The following TOMM40 variants were observed in gnomAD, a reference collection of about 807,000 sequenced individuals.
TOMM40 encodes the protein mitochondrial import receptor subunit TOM40 homolog.
A neutral mutation model predicts 38.4 loss-of-function variants in TOMM40; 9 were observed. The ratio of observed to expected loss-of-function variants is 0.23; its 90% CI spans 0.14 to 0.41. The LOEUF is 0.41. TOMM40 is among the 10% of genes least tolerant of loss of function. The probability of loss-of-function intolerance (pLI) is 1.00; values close to 1 mark genes in which losing one functional copy is unlikely to be tolerated. For missense variants in TOMM40, 299 were observed against 486.5 expected, an observed-to-expected ratio of 0.61 and a Z score of 3.63; for synonymous variants, 184 against 210.0, an observed-to-expected ratio of 0.88 and a Z score of 1.07.
chr19:44,894,129 C>A, intron 5 of TOMM40, 63 bp downstream of exon 5: 2 of 1,304,368 alleles, frequency 1.5e-6, no homozygotes, highest in South Asian at 1.5e-5. Flanking sequence ...CCAGCAAATC[C>A]ACCCCATTTG....
In TOMM40 at chr19:44,901,192, G is replaced by A. The variant is rs191141340; in HGVS notation, c.844-16G>A. On this transcript the variant is annotated splice_polypyrimidine_tract_variant and intron_variant, in intron 7 of 8. Transcript: ENST00000426677. ...GGCCACTTGCTAATTCTCATGTGTT[G>A]CTCCGGCCCCTCCAGCTGCAGGTGG... The A allele has an allele frequency of 1.2e-6, 2 of 1,614,036 alleles. No individual in the cohort carries two copies. Among genetic ancestry groups the A allele is most frequent in the African/African-American group, 1.3e-5 (1 of 75,074 alleles).
chr19:44,896,829 C>T (rs185352365), intron 5 of TOMM40, among the ~76,000 whole-genome samples: 50 of 152,144 alleles, frequency 3.3e-4, no homozygotes, highest in African/African-American at 1.2e-3. Context: ...CTGAGGTGGG[C>T]GGATCGCTTG....
At chr19:44,899,997 C>T (rs1225209898) in intron 5 of TOMM40, among the ~76,000 whole-genome samples, 1 of 151,980 alleles carries the variant, frequency 6.6e-6, no homozygotes, top group African/African-American at 2.4e-5. Context: ...CTCCCCAATT[C>T]TTCTGGCCCT....
rs1568612334 is a variant in TOMM40, at chr19:44,903,219, C to T, written c.*50C>T. ...GCCCTTCCGATTCCACCTCCACCTC[C>T]ACCTCCCCCTGCCACAGAGGGGAGA... On this transcript the variant is annotated 3_prime_UTR_variant, in exon 9 of 9. Transcript: ENST00000426677. 1 of 1,559,314 alleles carries T rather than the reference C, an allele frequency of 6.4e-7. No individual in the cohort carries two copies. Among genetic ancestry groups the T allele is most frequent in the Non-Finnish European group, 8.7e-7 (1 of 1,152,026 alleles).
chr19:44,903,042 G>A lies in TOMM40; in HGVS notation c.959G>A (p.Ser320Asn), dbSNP rs777104426. Residue 320 changes from serine (S) to asparagine (N), a missense_variant, in exon 9 of 9, where the codon AGC becomes AAC. By Grantham distance (46) the Ser-to-Asn change is conservative. Coordinates refer to ENST00000426677, the MANE Select transcript of TOMM40 (RefSeq NM_001128917.2). ...CTCTTCCCTGCAGGCTCTGTGGATA[G>A]CAACTGGATCGTGGGTGCCACGCTG... Reference protein sequence around the residue: ...ANLLFKGSVDSNWIVGATLEK... With the variant: ...ANLLFKGSVDNNWIVGATLEK... 1.7e-5 allele frequency: 27 copies of A among 1,613,022 alleles called. No individual in the cohort carries two copies. The highest frequency in any genetic ancestry group is 2.7e-5 in the African/African-American group (2 of 74,898).
chr19:44,899,617 GAT>G (rs1491229913), intron 5 of TOMM40, among the ~76,000 whole-genome samples: 62 of 98,404 alleles, frequency 6.3e-4, no homozygotes, highest in African/African-American at 3.5e-3. Flanking sequence ...GCCTGGCCTT[GAT>G]TTTTTTTTTT....
At chr19:44,896,193 C>T (rs971772342) in intron 5 of TOMM40, among the ~76,000 whole-genome samples, 1 of 152,050 alleles carries the variant, frequency 6.6e-6, no homozygotes, top group Non-Finnish European at 1.5e-5. Context: ...GGTCTCTAGT[C>T]CTTTCCAGTG....
At chr19:44,902,213 T>C (rs1969696892) in intron 8 of TOMM40, 1 of 152,230 alleles carries the variant, frequency 6.6e-6, no homozygotes, top group African/African-American at 2.4e-5. Context: ...TTGACTCTCT[T>C]ATTTTTCTGA....
intron 5 of TOMM40, among the ~76,000 whole-genome samples, chr19:44,895,331 A>G (rs1568607530): frequency 6.6e-6 from 1 of 152,124 alleles, no homozygotes; most frequent in African/African-American, 2.4e-5. Flanking sequence ...AGGGAGAAGC[A>G]GGAACAGGGG....
At chr19:44,894,556 C>T (rs1969530674) in intron 5 of TOMM40, among the ~76,000 whole-genome samples, 1 of 152,116 alleles carries the variant, frequency 6.6e-6, no homozygotes, top group Non-Finnish European at 1.5e-5. Flanking sequence ...GCCACCACGC[C>T]CAGCCAGTCA....
chr19:44,891,412 G>T lies in TOMM40; in HGVS notation c.-4G>T. The T allele has an allele frequency of 3.1e-6, 4 of 1,285,222 alleles. No individual in the cohort carries two copies. Among genetic ancestry groups the T allele is most frequent in the South Asian group, 2.7e-5 (1 of 36,768 alleles). 79.6% of individuals were successfully genotyped at this position (1,285,222 alleles called of 1,614,324 possible). ...CCCTCTGACCTCTCCCCTAGCAGGC[G>T]ACCATGGGGAACGTGTTGGCTGCCA... On this transcript the variant is annotated 5_prime_UTR_variant, in exon 1 of 9. Transcript: ENST00000426677.
At chr19:44,894,286 G>C (rs964737529) in intron 5 of TOMM40, among the ~76,000 whole-genome samples, 1 of 125,610 alleles carries the variant, frequency 8.0e-6, no homozygotes, top group Non-Finnish European at 1.6e-5. Context: ...TTTTGAGATG[G>C]AGTCTTGCTT....
rs898273219 is a variant in TOMM40 at position 44,901,213 on chromosome 19, G to C, written c.849G>C (p.Gln283His). Residue 283 changes from glutamine to histidine, a missense_variant, in exon 8 of 9, where the codon CAG becomes CAC. By Grantham distance (24) the Gln-to-His change is conservative (BLOSUM62 0). Coordinates refer to ENST00000426677, the MANE Select transcript of TOMM40 (RefSeq NM_001128917.2). ...TGTTGCTCCGGCCCCTCCAGCTGCA[G>C]GTGGGTGTGGAGTTTGAGGCCAGCA... Reference protein sequence around the residue: ...TYYHKASDQLQVGVEFEASTR... With the variant: ...TYYHKASDQLHVGVEFEASTR... 6 of 1,614,026 alleles carry C rather than the reference G, an allele frequency of 3.7e-6. No individual in the cohort carries two copies. Among genetic ancestry groups the C allele is most frequent in the Non-Finnish European group, 2.5e-6 (3 of 1,180,016 alleles).
chr19:44,893,683 T>C, intron 3 of TOMM40, 97 bp from the exon 4 acceptor site: 2 of 994,482 alleles, frequency 2.0e-6, no homozygotes, highest in Non-Finnish European at 2.9e-6. Context: ...GGGACCCCCA[T>C]CCGAGGCTTT....
chr19:44,892,366 G>C, intron 1 of TOMM40, 27 bp from the exon 2 acceptor site: 1 of 1,611,982 alleles, frequency 6.2e-7, no homozygotes, highest in South Asian at 1.1e-5. Flanking sequence ...GGTTGGAGTG[G>C]AGTGTGACAG....
intron 5 of TOMM40, among the ~76,000 whole-genome samples, chr19:44,899,149 A>C (rs1969629550): frequency 6.6e-6 from 1 of 151,034 alleles, no homozygotes; most frequent in Non-Finnish European, 1.5e-5. Flanking sequence ...AAAAAAAAAA[A>C]ATTAAATTTC....
chr19:44,892,728 C>T (rs1031369422), intron 2 of TOMM40, 109 bp from the exon 3 acceptor site: 15 of 925,682 alleles, frequency 1.6e-5, no homozygotes, highest in African/African-American at 8.2e-5. Context: ...TTAGTCAGGC[C>T]GTGCCTCCCA....
intron 5 of TOMM40, among the ~76,000 whole-genome samples, chr19:44,895,587 G>C (rs528025772): frequency 6.6e-6 from 1 of 152,226 alleles, no homozygotes. Context: ...GCCCAGGCTG[G>C]AGTGCTGTGG....
At chr19:44,899,791 CTTTTTTTTTTTTTTTTTTT>C (rs10524523) in intron 5 of TOMM40, among the ~76,000 whole-genome samples, 52,755 of 93,268 alleles carry the variant, frequency 0.57, 11,836 homozygotes, top group African/African-American at 0.61. Flanking sequence ...TTGCATCTGG[CTTTTTTTTTTTTTTTTTTT>C]TTTTTTTTTT....
Sources: gnomAD v4.1 joint callset for allele counts (sites outside exome capture counted in the v4.1 genomes callset) on GRCh38, gnomAD v4.1.1 for gene constraint, MANE v1.5 for transcripts, NCBI Gene and HGNC (gene_info 2026-07-23, HGNC 2026-07-21) for gene names.